CFAP58: variants seen among roughly 807,000 people sequenced by gnomAD.
CFAP58 encodes cilia and flagella associated protein 58, also known as cilia- and flagella-associated protein 58.
CFAP58 carries 88 observed loss-of-function variants against 119.5 expected under a neutral mutation model. That is an observed-to-expected ratio of 0.74 (90% CI 0.62 to 0.88). CFAP58 has a LOEUF of 0.88. Among genes scored for constraint, CFAP58 ranks in the 40% least tolerant of loss-of-function variants. The pLI is 0.00. For missense variants in CFAP58, 990 were observed against 1,021.2 expected (o/e 0.97, Z 0.42); for synonymous variants, 365 against 366.3 (o/e 1.00, Z 0.04).
intron 15 of CFAP58, among the ~76,000 whole-genome samples, chr10:104,434,310 A>G (rs1247044285): frequency 6.6e-6 from 1 of 152,160 alleles, no homozygotes. Flanking sequence ...TTAGCTATTT[A>G]TGGTTCTAGA....
chr10:104,415,303 G>C (rs748995733), intron 15 of CFAP58, among the ~76,000 whole-genome samples: 3 of 152,140 alleles, frequency 2.0e-5, no homozygotes, highest in Non-Finnish European at 1.5e-5. Context: ...AGTGGGTGGA[G>C]GGGGAGGGAG....
At chr10:104,442,182 A>G (rs556384534) in intron 15 of CFAP58, among the ~76,000 whole-genome samples, 3 of 152,046 alleles carry the variant, frequency 2.0e-5, no homozygotes, top group Non-Finnish European at 4.4e-5. Flanking sequence ...GCAAAAATGT[A>G]TTGCCTTTTT....
At chr10:104,343,772 C>G in the CFAP58 span, among the ~76,000 whole-genome samples, 1 of 152,162 alleles carries the variant, frequency 6.6e-6, no homozygotes, top group Admixed American at 6.5e-5. Context: ...TTAATTTGAG[C>G]TAGAGTCTCA....
intron 12 of CFAP58, 118 bp downstream of exon 12, chr10:104,399,618 C>A: frequency 1.0e-6 from 1 of 998,630 alleles, no homozygotes; most frequent in Non-Finnish European, 1.5e-6. Context: ...GGAAGAACAG[C>A]AGCAGAGACC....
intron 15 of CFAP58, among the ~76,000 whole-genome samples, chr10:104,419,557 G>T (rs1390493293): frequency 6.6e-6 from 1 of 151,142 alleles, no homozygotes; most frequent in African/African-American, 2.4e-5. Context: ...TCTTTTATCT[G>T]TGTCCTTTTT....
chr10:104,366,049 C>A, intron 5 of CFAP58, 41 bp downstream of exon 5: 2 of 1,480,694 alleles, frequency 1.4e-6, no homozygotes, highest in East Asian at 2.4e-5. Context: ...CAAGAAAAAC[C>A]CAGAATGGCA....
At chr10:104,417,399 T>C (rs1466676825) in intron 15 of CFAP58, among the ~76,000 whole-genome samples, 1 of 152,176 alleles carries the variant, frequency 6.6e-6, no homozygotes, top group East Asian at 1.9e-4. Context: ...ATACCATTAT[T>C]TGTAGTTTGG....
chr10:104,365,811 T>C lies in CFAP58; in HGVS notation c.598-3T>C. On this transcript the variant is annotated splice_region_variant and splice_polypyrimidine_tract_variant and intron_variant, in intron 4 of 17. Coordinates refer to ENST00000369704, the MANE Select transcript of CFAP58 (RefSeq NM_001008723.2). ...TCTCTCTTGTCCTTTCCGCAACCTC[T>C]AGTTCCAACAAGAAATCCAGCAACG... is the stretch of plus-strand genomic sequence containing the variant. 3.7e-6 allele frequency: 6 copies of C among 1,608,000 alleles called. No homozygotes were observed. Among genetic ancestry groups the C allele is most frequent in the Non-Finnish European group, 5.1e-6 (6 of 1,177,710 alleles).
chr10:104,393,047 T>C (rs1366677736), intron 10 of CFAP58, among the ~76,000 whole-genome samples: 4 of 152,236 alleles, frequency 2.6e-5, no homozygotes, highest in African/African-American at 9.6e-5. Context: ...ATATGTTTGT[T>C]GTGCTTCCAA....
At chr10:104,428,014 C>T (rs138207190) in intron 15 of CFAP58, among the ~76,000 whole-genome samples, 125 of 152,288 alleles carry the variant, frequency 8.2e-4, no homozygotes, top group African/African-American at 2.9e-3. Context: ...CACGTAAGCA[C>T]ATGGAGAGGC....
chr10:104,382,423 C>T, intron 9 of CFAP58: 1 of 499,820 alleles, frequency 2.0e-6, no homozygotes, highest in Non-Finnish European at 3.6e-6. Flanking sequence ...GAGGTGCCAT[C>T]ACACCACCAT....
intron 15 of CFAP58, among the ~76,000 whole-genome samples, chr10:104,417,476 T>G (rs2133063564): frequency 6.6e-6 from 1 of 152,306 alleles, no homozygotes; most frequent in East Asian, 1.9e-4. Context: ...CTAGGAGTAA[T>G]CAGACAACTG....
At chr10:104,340,764 G>C in the CFAP58 span, among the ~76,000 whole-genome samples, 1 of 152,110 alleles carries the variant, frequency 6.6e-6, no homozygotes, top group Admixed American at 6.6e-5. Context: ...AAGGACCAGG[G>C]GTGAGTACCC....
intron 11 of CFAP58, among the ~76,000 whole-genome samples, chr10:104,394,985 A>T (rs1564890555): frequency 6.6e-6 from 1 of 152,184 alleles, no homozygotes; most frequent in East Asian, 1.9e-4. Flanking sequence ...TTGGTGCATC[A>T]TCTCTTTCCC....
intron 15 of CFAP58, among the ~76,000 whole-genome samples, chr10:104,420,815 T>G (rs2133067399): frequency 6.7e-6 from 1 of 150,060 alleles, no homozygotes; most frequent in East Asian, 2.0e-4. Context: ...TGCAGTGGCA[T>G]GATCACAGCT....
chr10:104,350,077 G>A (rs969173630), upstream of CFAP58, among the ~76,000 whole-genome samples: 1 of 152,176 alleles, frequency 6.6e-6, no homozygotes, highest in Non-Finnish European at 1.5e-5. Context: ...TCGGACTGTT[G>A]TCAGAAAATC....
Position 104,403,794 on chromosome 10 carries a change from A to G in CFAP58, c.2105A>G (p.Glu702Gly). The G allele has an allele frequency of 6.2e-7, 1 of 1,612,416 alleles. No homozygotes were observed. ...KERTRCRALEEELENPLNVHR... is the reference protein window; with the variant it reads ...KERTRCRALEGELENPLNVHR... ...AGGACACGCTGCCGAGCCCTGGAGGAGGAGCTGGAGAATCCCCTGAATGTG... is the reference window on the plus strand; with the variant it reads ...AGGACACGCTGCCGAGCCCTGGAGGGGGAGCTGGAGAATCCCCTGAATGTG... Residue 702 changes from glutamate to glycine, a missense_variant, in exon 14 of 18, where the codon GAG becomes GGG. Glu to Gly is a moderately conservative substitution (Grantham distance 98). Coordinates refer to ENST00000369704, the MANE Select transcript of CFAP58 (RefSeq NM_001008723.2).
At chr10:104,412,972 T>G (rs902863451) in intron 15 of CFAP58, among the ~76,000 whole-genome samples, 1 of 152,244 alleles carries the variant, frequency 6.6e-6, no homozygotes, top group Admixed American at 6.5e-5. Context: ...ACTTCTTCCT[T>G]ATACCACTCA....
At chr10:104,399,175 A>AGTGT (rs35611566) in intron 11 of CFAP58, among the ~76,000 whole-genome samples, 185 bp from the exon 12 acceptor site, 28,572 of 148,984 alleles carry the variant, frequency 0.19, 2,705 homozygotes, top group Middle Eastern at 0.34. Flanking sequence ...TTTCTTTATG[A>AGTGT]GTGTGTGTGT....
Sources: allele counts gnomAD v4.1 joint callset (sites outside exome capture counted in the v4.1 genomes callset), GRCh38; gene constraint gnomAD v4.1.1; transcripts MANE v1.5; gene names NCBI Gene and HGNC (gene_info 2026-07-23, HGNC 2026-07-21).